The following CADM2 variants were observed in gnomAD, a reference collection of about 807,000 sequenced individuals.
CADM2 encodes cell adhesion molecule 2.
In CADM2, 12 loss-of-function variants were observed where a neutral mutation model predicts 49.8. The observed-to-expected ratio is 0.24, with a 90% CI of 0.15 to 0.39. The LOEUF (loss-of-function observed/expected upper bound fraction) is 0.39. Among genes scored for constraint, CADM2 ranks in the 10% least tolerant of loss-of-function variants. The pLI is 1.00. For synonymous variants in CADM2, 214 were observed against 175.4 expected, an observed-to-expected ratio of 1.22 and a Z score of -1.74; for missense variants, 378 against 492.3, an observed-to-expected ratio of 0.77 and a Z score of 2.20.
intron 1 of CADM2, among the ~76,000 whole-genome samples, chr3:85,381,479 T>C (rs2033903419): frequency 6.8e-6 from 1 of 147,742 alleles, no homozygotes; most frequent in Non-Finnish European, 1.5e-5. Flanking sequence ...AAAGTATATA[T>C]ATAAAGTGTA....
At chr3:85,608,624 C>T (rs902460622) in intron 1 of CADM2, among the ~76,000 whole-genome samples, 1 of 152,024 alleles carries the variant, frequency 6.6e-6, no homozygotes, top group Admixed American at 6.6e-5. Flanking sequence ...CTTAAAAAGG[C>T]AAGGTAATTC....
intron 1 of CADM2, among the ~76,000 whole-genome samples, chr3:85,477,625 A>T (rs1274943166): frequency 1.3e-5 from 2 of 151,936 alleles, no homozygotes; most frequent in African/African-American, 4.8e-5. Flanking sequence ...GTTAAATGCT[A>T]CAATGGGATA....
intron 1 of CADM2, among the ~76,000 whole-genome samples, chr3:85,328,712 TA>T (rs1232949789): frequency 2.0e-5 from 3 of 152,108 alleles, no homozygotes; most frequent in African/African-American, 7.2e-5. Context: ...AATCAATGAT[TA>T]AAATGTTTCA....
At chr3:85,546,951 A>G (rs1473585290) in intron 1 of CADM2, among the ~76,000 whole-genome samples, 1 of 152,124 alleles carries the variant, frequency 6.6e-6, no homozygotes, top group Admixed American at 6.6e-5. Context: ...TTGTCTACAG[A>G]AAGTATTTGT....
intron 2 of CADM2, among the ~76,000 whole-genome samples, chr3:85,771,939 T>G (rs947387547): frequency 6.6e-6 from 1 of 151,854 alleles, no homozygotes; most frequent in Admixed American, 6.6e-5. Context: ...GTGAAGTTTT[T>G]CAGCAAAAGG....
chr3:85,205,804 C>T (rs2107755853), intron 1 of CADM2, among the ~76,000 whole-genome samples: 1 of 152,118 alleles, frequency 6.6e-6, no homozygotes, highest in South Asian at 2.1e-4. Context: ...GTCAAATTAA[C>T]ATCACCTTCT....
intron 5 of CADM2, among the ~76,000 whole-genome samples, chr3:85,899,614 A>G (rs1474030460): frequency 6.6e-6 from 1 of 152,096 alleles, no homozygotes; most frequent in African/African-American, 2.4e-5. Context: ...GCTTTATTCT[A>G]GTCAAGTTAT....
intron 1 of CADM2, among the ~76,000 whole-genome samples, chr3:85,280,266 C>G (rs2106884640): frequency 6.6e-6 from 1 of 151,650 alleles, no homozygotes; most frequent in African/African-American, 2.4e-5. Flanking sequence ...CTGAAAAGGT[C>G]TTTATTTCTC....
intron 1 of CADM2, among the ~76,000 whole-genome samples, chr3:85,596,713 C>G (rs951614036): frequency 1.3e-5 from 2 of 152,034 alleles, no homozygotes; most frequent in Admixed American, 1.3e-4. Flanking sequence ...CAGTGCTGAT[C>G]TAGAAACATC....
chr3:85,739,272 G>T (rs2068279893), intron 2 of CADM2, among the ~76,000 whole-genome samples: 1 of 151,992 alleles, frequency 6.6e-6, no homozygotes, highest in Non-Finnish European at 1.5e-5. Flanking sequence ...CAGCCTTAAA[G>T]GTAACTGTCA....
chr3:85,737,768 T>C (rs1003836829), intron 2 of CADM2, among the ~76,000 whole-genome samples: 4 of 151,842 alleles, frequency 2.6e-5, no homozygotes, highest in Non-Finnish European at 4.4e-5. Context: ...CTGTGTTAGC[T>C]AGGATTGTCT....
chr3:85,639,333 A>G (rs2064630549), intron 1 of CADM2, among the ~76,000 whole-genome samples: 1 of 152,224 alleles, frequency 6.6e-6, no homozygotes, highest in Non-Finnish European at 1.5e-5. Flanking sequence ...AGAGTTATGC[A>G]TCACTAAACA....
intron 1 of CADM2, among the ~76,000 whole-genome samples, chr3:85,353,870 T>C (rs1264509799): frequency 2.0e-5 from 3 of 152,070 alleles, no homozygotes; most frequent in South Asian, 2.1e-4. Context: ...ATATCAACTT[T>C]GTTTCAAATA....
chr3:85,851,864 G>A (rs982696399), intron 3 of CADM2, among the ~76,000 whole-genome samples: 2 of 151,970 alleles, frequency 1.3e-5, no homozygotes, highest in Admixed American at 1.3e-4. Flanking sequence ...TAGGTGATGG[G>A]GATGCTATTT....
At chr3:85,729,343 C>A (rs1170756317) in intron 2 of CADM2, among the ~76,000 whole-genome samples, 1 of 152,206 alleles carries the variant, frequency 6.6e-6, no homozygotes, top group South Asian at 2.1e-4. Flanking sequence ...GAGAGATAAA[C>A]TTCACTTCCT....
At chr3:85,139,301 T>C (rs1450631204) in intron 1 of CADM2, among the ~76,000 whole-genome samples, 1 of 152,150 alleles carries the variant, frequency 6.6e-6, no homozygotes, top group Non-Finnish European at 1.5e-5. Flanking sequence ...GATATCATGA[T>C]TTTTGGAATT....
At chr3:85,846,546 T>G (rs1577462395) in intron 3 of CADM2, among the ~76,000 whole-genome samples, 1 of 152,160 alleles carries the variant, frequency 6.6e-6, no homozygotes, top group East Asian at 1.9e-4. Flanking sequence ...ATGCAAATAT[T>G]TGCAGTTAAG....
At chr3:85,444,219 TGA>T (rs2037342104) in intron 1 of CADM2, among the ~76,000 whole-genome samples, 1 of 152,202 alleles carries the variant, frequency 6.6e-6, no homozygotes, top group Admixed American at 6.6e-5. Flanking sequence ...CTTCTATTCT[TGA>T]GCTTGCCCAC....
At chr3:85,494,884 G>A (rs536013241) in intron 1 of CADM2, among the ~76,000 whole-genome samples, 22 of 152,134 alleles carry the variant, frequency 1.4e-4, no homozygotes, top group African/African-American at 4.8e-4. Flanking sequence ...GTCACAATGC[G>A]GATGAAAACA....
Sources: gnomAD v4.1 joint callset for allele counts (sites outside exome capture counted in the v4.1 genomes callset) on GRCh38, gnomAD v4.1.1 for gene constraint, MANE v1.5 for transcripts, NCBI Gene and HGNC (gene_info 2026-07-23, HGNC 2026-07-21) for gene names.